AMD1: variants seen among roughly 807,000 people sequenced by gnomAD.
AMD1 encodes the protein S-adenosylmethionine decarboxylase proenzyme.
AMD1 carries 11 observed loss-of-function variants against 40.2 expected under a neutral mutation model. That is an observed-to-expected ratio of 0.27 (90% CI 0.17 to 0.45). The LOEUF (loss-of-function observed/expected upper bound fraction) is 0.45, where lower values mean the gene tolerates loss of function less well. Ranked by LOEUF, AMD1 falls within the 20% of genes least tolerant of loss-of-function variation. AMD1 has a pLI of 1.00. For synonymous variants in AMD1, 121 were observed against 130.8 expected (o/e 0.93, Z 0.51); for missense variants, 257 against 410.2 (o/e 0.63, Z 3.23).
chr6:110,831,932 C>T, the AMD1 span, among the ~76,000 whole-genome samples: 31 of 152,102 alleles, frequency 2.0e-4, no homozygotes, highest in Non-Finnish European at 3.8e-4. Flanking sequence ...CAACCTCAAA[C>T]TCCCAGGCTC....
At chr6:110,814,653 G>A in the AMD1 span, 1 of 498,364 alleles carries the variant, frequency 2.0e-6, no homozygotes, top group African/African-American at 1.9e-5. Flanking sequence ...CTCCGCAGCG[G>A]AGCTCTGCCT....
chr6:110,890,981 A>G (rs1162512382), intron 4 of AMD1: 1 of 152,260 alleles, frequency 6.6e-6, no homozygotes, highest in Non-Finnish European at 1.5e-5. Flanking sequence ...TGCTGTTTAA[A>G]TGATGGAATT....
intron 1 of AMD1, among the ~76,000 whole-genome samples, chr6:110,876,349 T>C (rs1463475015): frequency 6.6e-6 from 1 of 152,184 alleles, no homozygotes; most frequent in Non-Finnish European, 1.5e-5. Flanking sequence ...GTAACTGGCG[T>C]GGCCAGCTTC....
intron 1 of AMD1, among the ~76,000 whole-genome samples, chr6:110,885,151 T>C (rs908686055): frequency 2.0e-5 from 3 of 152,072 alleles, no homozygotes; most frequent in Non-Finnish European, 4.4e-5. Context: ...AGATTCACTT[T>C]TGTCGCCCAG....
chr6:110,832,016 T>C, the AMD1 span, among the ~76,000 whole-genome samples: 1 of 149,230 alleles, frequency 6.7e-6, no homozygotes, highest in African/African-American at 2.5e-5. Flanking sequence ...GCTAATTTTT[T>C]TTTTTTTTTT....
the AMD1 span, among the ~76,000 whole-genome samples, chr6:110,838,026 C>T: frequency 6.8e-6 from 1 of 146,694 alleles, no homozygotes; most frequent in South Asian, 2.1e-4. Flanking sequence ...TGTATCATTG[C>T]ACTCCAAACC....
At chr6:110,841,437 C>T in the AMD1 span, among the ~76,000 whole-genome samples, 1 of 152,210 alleles carries the variant, frequency 6.6e-6, no homozygotes, top group Non-Finnish European at 1.5e-5. Flanking sequence ...GCTGGGCTTG[C>T]TCACGGGCAT....
At chr6:110,834,254 G>A in the AMD1 span, among the ~76,000 whole-genome samples, 1 of 152,046 alleles carries the variant, frequency 6.6e-6, no homozygotes, top group Non-Finnish European at 1.5e-5. Context: ...TGGGAGGATC[G>A]CTTGTGCCCC....
chr6:110,869,055 T>A, the AMD1 span, among the ~76,000 whole-genome samples: 321 of 150,592 alleles, frequency 2.1e-3, 1 homozygote, highest in Admixed American at 4.6e-3. Context: ...GCGAAACTCG[T>A]TCTCAAAAAA....
chr6:110,892,365 T>G lies in AMD1; in HGVS notation c.537T>G (p.Ile179Met). 6.2e-7 allele frequency: 1 copy of G among 1,613,142 alleles called. No homozygotes were observed. The highest frequency in any genetic ancestry group is 1.1e-5 in the South Asian group (1 of 91,028). ...GTCAGCCAGATCAAACCTTGGAAAT[T>G]CTGATGAGTGAGCTTGACCCAGCAG... The part of the protein sequence containing the change: ...VISQPDQTLE[I>M]LMSELDPAVM... Residue 179 changes from isoleucine to methionine, a missense_variant, in exon 6 of 9, where the codon ATT (isoleucine) becomes ATG (methionine). Coordinates refer to ENST00000368885, the MANE Select transcript of AMD1 (RefSeq NM_001634.6).
chr6:110,835,180 G>A, the AMD1 span, among the ~76,000 whole-genome samples: 2 of 151,064 alleles, frequency 1.3e-5, no homozygotes, highest in African/African-American at 2.4e-5. Flanking sequence ...CACCACGCCC[G>A]GCTAATTTTT....
chr6:110,887,635 A>G, intron 2 of AMD1, 44 bp downstream of exon 2: 2 of 1,356,890 alleles, frequency 1.5e-6, no homozygotes, highest in Non-Finnish European at 2.0e-6. Context: ...TTTCAGTCCT[A>G]ATCATAATGT....
At chr6:110,814,638 G>C in the AMD1 span, 1,332 of 483,424 alleles carry the variant, frequency 2.8e-3, 17 homozygotes, top group East Asian at 0.029. Flanking sequence ...GGGCCGGAGC[G>C]GCAACTCCGC....
chr6:110,892,564 G>C (rs1278146412), intron 6 of AMD1, 121 bp downstream of exon 6: 2 of 1,458,334 alleles, frequency 1.4e-6, no homozygotes, highest in Non-Finnish European at 1.9e-6. Context: ...AGGTAAACTT[G>C]TGTCATGGGG....
chr6:110,879,561 G>C (rs565888078), intron 1 of AMD1, among the ~76,000 whole-genome samples: 2 of 152,224 alleles, frequency 1.3e-5, no homozygotes, highest in East Asian at 3.9e-4. Context: ...CCGCAGGAAG[G>C]CACCCTCAGA....
the AMD1 span, among the ~76,000 whole-genome samples, chr6:110,869,374 CGCCCGCCTCG>C: frequency 6.6e-6 from 1 of 152,084 alleles, no homozygotes; most frequent in African/African-American, 2.4e-5. Context: ...CCTCGTGATC[CGCCCGCCTCG>C]GCCTCCCAAA....
At chr6:110,821,387 A>G in the AMD1 span, among the ~76,000 whole-genome samples, 1 of 152,158 alleles carries the variant, frequency 6.6e-6, no homozygotes, top group Non-Finnish European at 1.5e-5. Flanking sequence ...TCACTAGGTC[A>G]AGAGTTCAAG....
chr6:110,848,981 G>T, the AMD1 span, among the ~76,000 whole-genome samples: 25 of 152,216 alleles, frequency 1.6e-4, no homozygotes, highest in African/African-American at 6.0e-4. Context: ...ACTCCAGCCT[G>T]CGTAACAAAG....
At chr6:110,819,980 C>T in the AMD1 span, among the ~76,000 whole-genome samples, 1 of 152,176 alleles carries the variant, frequency 6.6e-6, no homozygotes, top group African/African-American at 2.4e-5. Flanking sequence ...AATGCCATAG[C>T]AACTTGAGAA....
Sources: allele counts gnomAD v4.1 joint callset (sites outside exome capture counted in the v4.1 genomes callset), GRCh38; gene constraint gnomAD v4.1.1; transcripts MANE v1.5; gene names NCBI Gene and HGNC (gene_info 2026-07-23, HGNC 2026-07-21).